Variants in CREBRF observed in about 807,000 individuals in gnomAD.
The protein encoded by CREBRF is UPF0474 protein C5orf41.
In CREBRF, 5 loss-of-function variants were observed where a neutral mutation model predicts 66.1. That is an observed-to-expected ratio of 0.08 (90% CI 0.04 to 0.16). The LOEUF (loss-of-function observed/expected upper bound fraction) is 0.16. Ranked by LOEUF, CREBRF falls within the 10% of genes least tolerant of loss-of-function variation. The pLI, the probability that CREBRF is intolerant of heterozygous loss-of-function variation, is 1.00. For missense variants in CREBRF, 531 were observed against 744.9 expected, an observed-to-expected ratio of 0.71 and a Z score of 3.34; for synonymous variants, 229 against 264.4, an observed-to-expected ratio of 0.87 and a Z score of 1.30.
chr5:173,068,538 T>A (rs542730555), intron 1 of CREBRF, among the ~76,000 whole-genome samples: 18 of 152,344 alleles, frequency 1.2e-4, no homozygotes, highest in African/African-American at 4.1e-4. Flanking sequence ...AGCAATAATC[T>A]TTCTAAAGAG....
rs1236234330 is a variant in CREBRF at position 173,110,211 on chromosome 5, T to G, written c.1418-311T>G. 6.0e-5 allele frequency: 24 copies of G among 397,084 alleles called. No individual in the cohort carries two copies. The East Asian group carries it at 1.4e-3, about 24-fold the overall frequency. 24.6% of individuals were successfully genotyped at this position (397,084 alleles called of 1,614,324 possible). A position where few individuals can be genotyped will look rare whatever the true frequency, so the allele number is the denominator to read the frequency against. ...TTGAACTCATACTCATCCTGAGATT[T>G]GAGATGCTTAGTATGCCATGCAAAT... On this transcript the variant is annotated intron_variant, in intron 5 of 8. Coordinates refer to ENST00000296953, the MANE Select transcript of CREBRF (RefSeq NM_153607.3).
intron 1 of CREBRF, among the ~76,000 whole-genome samples, chr5:173,065,645 T>C (rs1381500792): frequency 7.1e-6 from 1 of 140,956 alleles, no homozygotes; most frequent in Non-Finnish European, 1.5e-5. Context: ...TTCTTTCCTT[T>C]TCTTTTCCTT....
intron 8 of CREBRF, among the ~76,000 whole-genome samples, chr5:173,125,798 A>G (rs552259933): frequency 6.6e-6 from 1 of 152,354 alleles, no homozygotes; most frequent in Admixed American, 6.5e-5. Flanking sequence ...CAGGAGGCAG[A>G]GGTTACAGTG....
At chr5:173,124,608 A>G (rs1383528843) in intron 8 of CREBRF, 1 of 150,090 alleles carries the variant, frequency 6.7e-6, no homozygotes, top group Non-Finnish European at 1.5e-5. Flanking sequence ...TTGACTAATT[A>G]TTTTTTCCTT....
chr5:173,086,537 G>A lies in CREBRF; in HGVS notation c.46G>A (p.Ala16Thr). The change falls in exon 3 of 9, where the codon GCC (alanine) becomes ACC (threonine). Residue 16 changes from alanine to threonine, a missense_variant. By Grantham distance (58) the Ala-to-Thr change is moderately conservative. Coordinates refer to ENST00000296953, the MANE Select transcript of CREBRF (RefSeq NM_153607.3). ...VSGMDPPFGDAFRSHTFSEQT... is the reference protein window; with the variant it reads ...VSGMDPPFGDTFRSHTFSEQT... ...CGGAATGGATCCGCCTTTCGGGGAT[G>A]CCTTTCGAAGCCACACCTTTTCGGA... The A allele has an allele frequency of 6.2e-7, 1 of 1,613,948 alleles. No individual in the cohort carries two copies. The highest frequency in any genetic ancestry group is 8.5e-7 in the Non-Finnish European group (1 of 1,179,870).
At chr5:173,098,415 C>T (rs1331467489) in intron 4 of CREBRF, among the ~76,000 whole-genome samples, 1 of 152,072 alleles carries the variant, frequency 6.6e-6, no homozygotes, top group African/African-American at 2.4e-5. Flanking sequence ...TCTCAATTTC[C>T]TTCTGATTTC....
rs1758317599 is a variant in CREBRF, at chr5:173,091,033, A to C, written c.854A>C (p.His285Pro). ...AAAGGGATGGAGCCTCTTCAAGGTCATGCCACTCCCGCTTTGCCTTTTAAA... is the reference window on the plus strand; with the variant it reads ...AAAGGGATGGAGCCTCTTCAAGGTCCTGCCACTCCCGCTTTGCCTTTTAAA... The part of the protein sequence containing the change: ...EKKGMEPLQG[H>P]ATPALPFKET... The change falls in exon 4 of 9, where the codon CAT (histidine) becomes CCT (proline). Residue 285 changes from histidine to proline, a missense_variant. Around this residue, in one of 5 missense-constraint regions of CREBRF, gnomAD observed 309 missense variants for 341.4 expected, o/e 0.90. Transcript: ENST00000296953. The C allele has an allele frequency of 6.2e-7, 1 of 1,614,192 alleles. No homozygotes were observed.
chr5:173,100,118 G>GTGTGTGTGTATATATA (rs70984939), intron 4 of CREBRF, among the ~76,000 whole-genome samples: 33 of 88,378 alleles, frequency 3.7e-4, no homozygotes, highest in South Asian at 3.9e-4. Flanking sequence ...GTGTGTGTGT[G>GTGTGTGTGTATATATA]TATATATATA....
chr5:173,100,131 A>AAT lies in CREBRF; in HGVS notation c.1223-8493_1223-8492insAT, dbSNP rs1333613309. Among the ~76,000 whole-genome samples, 337 of 42,860 alleles carry AAT rather than the reference A, an allele frequency of 7.9e-3. 16 individuals are homozygous for AAT. Among genetic ancestry groups the AAT allele is most frequent in the Admixed American group, 0.014 (54 of 3,912 alleles). 28.1% of individuals were successfully genotyped at this position (42,860 alleles called of 152,430 possible). A position where few individuals can be genotyped will look rare whatever the true frequency, so the allele number is the denominator to read the frequency against. On this transcript the variant is annotated intron_variant, in intron 4 of 8. Transcript: ENST00000296953. Reference sequence around the variant, plus strand: ...GTGTGTGTGTGTGTATATATATATAATTTTTTTTTTTTTTTTTTTTTTTTA... The same window carrying AAT: ...GTGTGTGTGTGTGTATATATATATAAATTTTTTTTTTTTTTTTTTTTTTTTTA...
At chr5:173,112,416 A>C (rs765850500) in intron 7 of CREBRF, 37 bp downstream of exon 7, 1 of 1,346,446 alleles carries the variant, frequency 7.4e-7, no homozygotes, top group East Asian at 2.4e-5. Context: ...TTAACCACCT[A>C]TTGATTTGCT....
At position 173,137,693 on chromosome 5, in the gene CREBRF, A is replaced by G. The variant is rs1167062228; in HGVS notation, c.*3948A>G. The G allele has an allele frequency of 5.3e-5, 8 of 151,822 alleles. No individual in the cohort carries two copies. The highest frequency in any genetic ancestry group is 1.2e-4 in the Non-Finnish European group (8 of 67,912). 9.4% of individuals were successfully genotyped at this position (151,822 alleles called of 1,614,324 possible). On this transcript the variant is annotated 3_prime_UTR_variant, in exon 9 of 9. Transcript: ENST00000296953. Reference sequence around the variant, plus strand: ...TTAGTTTGGATTTCTTTTTATATATATATATAATATTCATACAATGATCTG... The same window carrying G: ...TTAGTTTGGATTTCTTTTTATATATGTATATAATATTCATACAATGATCTG...
intron 2 of CREBRF, chr5:173,085,745 G>A (rs1758127825): frequency 2.6e-6 from 2 of 769,184 alleles, no homozygotes; most frequent in Admixed American, 3.5e-5. Context: ...GCCTTTCTGT[G>A]TGAGTGTAGA....
intron 7 of CREBRF, among the ~76,000 whole-genome samples, chr5:173,114,866 A>T (rs150310870): frequency 1.3e-5 from 2 of 152,290 alleles, no homozygotes; most frequent in East Asian, 3.9e-4. Context: ...AAAACCAGAA[A>T]ATCCCTTGAT....
chr5:173,130,016 G>C lies in CREBRF; in HGVS notation c.1805-3614G>C, dbSNP rs1240157961. Among the ~76,000 whole-genome samples, 6 of 151,840 alleles carry C rather than the reference G, an allele frequency of 4.0e-5. No individual in the cohort carries two copies. In the East Asian group the frequency reaches 1.2e-3, roughly 29 times the overall value. ...AATTTTTGTATTTTAGTAGAGACGGGGTTTCACCATGTTGTTCAGGCTGGC... is the reference window on the plus strand; with the variant it reads ...AATTTTTGTATTTTAGTAGAGACGGCGTTTCACCATGTTGTTCAGGCTGGC... On this transcript the variant is annotated intron_variant, in intron 8 of 8. Coordinates refer to ENST00000296953, the MANE Select transcript of CREBRF (RefSeq NM_153607.3).
At chr5:173,131,072 G>T (rs963130015) in intron 8 of CREBRF, among the ~76,000 whole-genome samples, 4 of 152,176 alleles carry the variant, frequency 2.6e-5, no homozygotes, top group African/African-American at 9.7e-5. Context: ...CTAAGCTCAA[G>T]TGATCCTTCC....
At chr5:173,064,559 ATT>A (rs1217486982) in intron 1 of CREBRF, among the ~76,000 whole-genome samples, 101 of 107,628 alleles carry the variant, frequency 9.4e-4, no homozygotes, top group Admixed American at 1.3e-3. Flanking sequence ...CACCTGGTTA[ATT>A]TTTTTTTTTT....
chr5:173,073,652 T>C (rs1182548018), intron 1 of CREBRF, among the ~76,000 whole-genome samples: 1 of 152,236 alleles, frequency 6.6e-6, no homozygotes, highest in Non-Finnish European at 1.5e-5. Context: ...TCAACTCAGA[T>C]TAATCCAGAA....
chr5:173,087,828 T>C (rs1289968818), intron 3 of CREBRF, among the ~76,000 whole-genome samples: 4 of 152,170 alleles, frequency 2.6e-5, no homozygotes, highest in African/African-American at 9.7e-5. Context: ...ATTTATTTAT[T>C]TATCTATTTA....
At chr5:173,110,427 G>T (rs1180656259) in intron 5 of CREBRF, 95 bp from the exon 6 acceptor site, 1 of 846,720 alleles carries the variant, frequency 1.2e-6, no homozygotes, top group Admixed American at 1.8e-5. Context: ...AAAAGAAAAG[G>T]TAGTGGTGGG....
Sources: gnomAD v4.1 joint callset for allele counts (sites outside exome capture counted in the v4.1 genomes callset) on GRCh38, gnomAD v4.1.1 for gene constraint, gnomAD v4.1.1 regional missense constraint, MANE v1.5 for transcripts, NCBI Gene and HGNC (gene_info 2026-07-23, HGNC 2026-07-21) for gene names.